Variants in TFDP2 observed in about 807,000 individuals in gnomAD.
TFDP2 encodes transcription factor Dp-2.
In TFDP2, 17 loss-of-function variants were observed where a neutral mutation model predicts 59.3. The ratio of observed to expected loss-of-function variants is 0.29; its 90% CI spans 0.20 to 0.43. The LOEUF is 0.43. TFDP2 is among the 20% of genes least tolerant of loss of function. TFDP2 has a pLI of 1.00. For missense variants in TFDP2, 391 were observed against 528.8 expected, an observed-to-expected ratio of 0.74 and a Z score of 2.56; for synonymous variants, 180 against 194.7, an observed-to-expected ratio of 0.92 and a Z score of 0.63.
At chr3:142,116,364 C>G (rs1249785220) in intron 1 of TFDP2, among the ~76,000 whole-genome samples, 1 of 152,104 alleles carries the variant, frequency 6.6e-6, no homozygotes, top group African/African-American at 2.4e-5. Context: ...AGTCCAGCCA[C>G]TGGTATTCTC....
At chr3:142,116,689 C>T (rs1375617452) in intron 1 of TFDP2, among the ~76,000 whole-genome samples, 2 of 152,110 alleles carry the variant, frequency 1.3e-5, no homozygotes, top group Admixed American at 6.5e-5. Context: ...TATAGTTACA[C>T]CTAGGTATTT....
chr3:142,032,355 A>G lies in TFDP2; in HGVS notation c.83-26811T>C, dbSNP rs866962065. Among the ~76,000 whole-genome samples the G allele has an allele frequency of 2.0e-5, 3 of 152,142 alleles. No homozygotes were observed. In the South Asian group the frequency reaches 6.2e-4, roughly 32 times the overall value. On this transcript the variant is annotated intron_variant, in intron 3 of 12. Transcript: ENST00000489671. ...TCAAGTGATCCTCCTGCCTCCCTCCAAAGTGCTGGGATTACGAGTGTGAGC... is the reference window on the plus strand; with the variant it reads ...TCAAGTGATCCTCCTGCCTCCCTCCGAAGTGCTGGGATTACGAGTGTGAGC...
chr3:142,043,901 G>T, intron 3 of TFDP2: 1 of 987,042 alleles, frequency 1.0e-6, no homozygotes, highest in Non-Finnish European at 1.6e-6. Context: ...CTTCTAAGCA[G>T]CCGGCGCAGA....
intron 1 of TFDP2, among the ~76,000 whole-genome samples, chr3:142,138,772 G>T (rs1013358732): frequency 6.6e-6 from 1 of 152,170 alleles, no homozygotes; most frequent in Non-Finnish European, 1.5e-5. Context: ...ATTTGCTGAG[G>T]AGTGCTTTAC....
intron 6 of TFDP2, among the ~76,000 whole-genome samples, chr3:141,992,241 T>C (rs939694052): frequency 8.6e-5 from 13 of 151,808 alleles, no homozygotes; most frequent in Non-Finnish European, 2.9e-5. Context: ...TACAGAAAAG[T>C]TATATTCAAA....
At chr3:142,025,017 T>A (rs1945959560) in intron 3 of TFDP2, among the ~76,000 whole-genome samples, 1 of 90,516 alleles carries the variant, frequency 1.1e-5, no homozygotes, top group South Asian at 4.6e-4. Flanking sequence ...CGAGACTCTG[T>A]CTCAAAGAAA....
At chr3:141,970,551 C>T (rs763098038) in intron 8 of TFDP2, among the ~76,000 whole-genome samples, 1 of 152,194 alleles carries the variant, frequency 6.6e-6, no homozygotes, top group African/African-American at 2.4e-5. Flanking sequence ...CACTTTGCAT[C>T]GAAGGGAACG....
intron 3 of TFDP2, among the ~76,000 whole-genome samples, chr3:142,072,405 T>A (rs1472185716): frequency 6.6e-6 from 1 of 152,170 alleles, no homozygotes; most frequent in Non-Finnish European, 1.5e-5. Flanking sequence ...CTACCTTCTA[T>A]GAAAGACTAA....
chr3:141,989,739 T>C (rs1368331575), intron 6 of TFDP2, among the ~76,000 whole-genome samples: 1 of 152,206 alleles, frequency 6.6e-6, no homozygotes, highest in Admixed American at 6.5e-5. Context: ...CTACCATTTC[T>C]GATGCTGACT....
chr3:141,995,174 T>C, intron 4 of TFDP2, 33 bp from the exon 5 acceptor site: 4 of 1,499,556 alleles, frequency 2.7e-6, no homozygotes, highest in Non-Finnish European at 3.6e-6. Flanking sequence ...TATAATATTC[T>C]TAATTATTAA....
chr3:142,144,521 A>T (rs933705806), intron 1 of TFDP2, among the ~76,000 whole-genome samples: 1 of 152,154 alleles, frequency 6.6e-6, no homozygotes, highest in Admixed American at 6.5e-5. Flanking sequence ...GAAAATACTT[A>T]GTTATTTATT....
At chr3:141,994,808 T>A (rs1943109608) in intron 5 of TFDP2, 2 of 395,014 alleles carry the variant, frequency 5.1e-6, no homozygotes, top group East Asian at 7.8e-5. Context: ...GGTTTAGTTA[T>A]GAGTTATTGC....
chr3:142,137,617 T>C (rs1317141887), intron 1 of TFDP2, among the ~76,000 whole-genome samples: 1 of 152,232 alleles, frequency 6.6e-6, no homozygotes, highest in Non-Finnish European at 1.5e-5. Context: ...AAAGGCCTTT[T>C]CTGCATCTAT....
At chr3:142,025,209 A>G (rs1210845297) in intron 3 of TFDP2, among the ~76,000 whole-genome samples, 1 of 152,156 alleles carries the variant, frequency 6.6e-6, no homozygotes, top group African/African-American at 2.4e-5. Context: ...TTGGTTTCTC[A>G]TAGAGTATAA....
chr3:142,055,727 A>C lies in TFDP2; in HGVS notation c.82+37334T>G, dbSNP rs181901654. On this transcript the variant is annotated intron_variant, in intron 3 of 12. Transcript: ENST00000489671. ...TTTTTTCCTGCTTCCAAGAGGAAAC[A>C]GATATTATCTCCAGCTACCAGAGGG... 2.0e-5 allele frequency among the ~76,000 whole-genome samples: 3 copies of C among 152,280 alleles called. No individual in the cohort carries two copies. The East Asian group carries it at 5.8e-4, about 29-fold the overall frequency.
intron 3 of TFDP2, among the ~76,000 whole-genome samples, chr3:142,047,606 A>G (rs1263243567): frequency 2.0e-5 from 3 of 152,146 alleles, no homozygotes. Flanking sequence ...TTTGGCCCAA[A>G]TAAACTCTCC....
At chr3:142,141,342 T>C (rs2062955415) in intron 1 of TFDP2, among the ~76,000 whole-genome samples, 1 of 152,170 alleles carries the variant, frequency 6.6e-6, no homozygotes, top group African/African-American at 2.4e-5. Flanking sequence ...AGTGACGCCC[T>C]TCCCTGCTTC....
chr3:142,036,878 C>T (rs137868591), intron 3 of TFDP2, among the ~76,000 whole-genome samples: 135 of 152,296 alleles, frequency 8.9e-4, no homozygotes, highest in African/African-American at 2.9e-3. Context: ...TTCCTGCTGT[C>T]CTGTCTTAAA....
chr3:141,999,797 G>A (rs753494637), intron 4 of TFDP2, among the ~76,000 whole-genome samples: 29 of 151,140 alleles, frequency 1.9e-4, no homozygotes, highest in Admixed American at 5.3e-4. Flanking sequence ...GTGCAGTGGC[G>A]TGATCTCAGC....
Sources: gnomAD v4.1 joint callset for allele counts (sites outside exome capture counted in the v4.1 genomes callset) on GRCh38, gnomAD v4.1.1 for gene constraint, MANE v1.5 for transcripts, NCBI Gene and HGNC (gene_info 2026-07-23, HGNC 2026-07-21) for gene names.